CRPPA: variants seen among roughly 807,000 people sequenced by gnomAD.
CRPPA encodes D-ribitol-5-phosphate cytidylyltransferase.
Under a neutral mutation model 52.0 loss-of-function variants are expected in CRPPA, and 43 were observed. The ratio of observed to expected loss-of-function variants is 0.83; its 90% CI spans 0.65 to 1.07. The LOEUF is 1.07. CRPPA is among the 50% of genes least tolerant of loss of function. CRPPA has a pLI of 0.00. For missense variants in CRPPA, 629 were observed against 551.7 expected, an observed-to-expected ratio of 1.14 and a Z score of -1.40; for synonymous variants, 250 against 203.5, an observed-to-expected ratio of 1.23 and a Z score of -1.94.
intron 3 of CRPPA, among the ~76,000 whole-genome samples, chr7:16,337,447 T>C (rs74578147): frequency 0.01 from 1,592 of 152,160 alleles, 35 homozygotes; most frequent in African/African-American, 0.037. Context: ...CCAAAACTTA[T>C]AGCATGCAGC....
chr7:16,324,001 C>T (rs1401935521), intron 3 of CRPPA, among the ~76,000 whole-genome samples: 6 of 152,128 alleles, frequency 3.9e-5, no homozygotes, highest in Admixed American at 3.3e-4. Context: ...ATCAGTAACA[C>T]GGATGCAAAT....
At chr7:16,224,885 T>C (rs374749779) in intron 8 of CRPPA, among the ~76,000 whole-genome samples, 1 of 152,172 alleles carries the variant, frequency 6.6e-6, no homozygotes, top group South Asian at 2.1e-4. Flanking sequence ...AACCACTTCA[T>C]TGTAGAACAA....
At chr7:16,171,662 G>A (rs1002435583) in intron 9 of CRPPA, among the ~76,000 whole-genome samples, 9 of 152,004 alleles carry the variant, frequency 5.9e-5, no homozygotes, top group South Asian at 4.2e-4. Context: ...GCATGGTGGC[G>A]GGTGCCTGTA....
chr7:16,252,531 A>G lies in CRPPA; in HGVS notation c.1119+5859T>C, dbSNP rs184640078. Among the ~76,000 whole-genome samples, 49 of 152,284 alleles carry G rather than the reference A, an allele frequency of 3.2e-4. No homozygotes were observed. The Middle Eastern group carries it at 0.02, about 63-fold the overall frequency. The stretch of plus-strand genomic sequence containing the variant: ...CCAGTATTTTATTGAGGATTTTTGC[A>G]TCGTTGTTCATCACGGATATTGGTC... On this transcript the variant is annotated intron_variant, in intron 8 of 9. Coordinates refer to ENST00000407010, the MANE Select transcript of CRPPA (RefSeq NM_001101426.4).
chr7:16,254,970 G>A (rs1783594929), intron 8 of CRPPA, among the ~76,000 whole-genome samples: 1 of 152,064 alleles, frequency 6.6e-6, no homozygotes, highest in Non-Finnish European at 1.5e-5. Flanking sequence ...GAAATAAAGG[G>A]TATTCAATTA....
At chr7:16,126,146 C>T (rs1467253412) in intron 9 of CRPPA, among the ~76,000 whole-genome samples, 3 of 152,066 alleles carry the variant, frequency 2.0e-5, no homozygotes, top group African/African-American at 7.2e-5. Context: ...GAAAAATATC[C>T]TGTGCCAGTC....
intron 8 of CRPPA, among the ~76,000 whole-genome samples, chr7:16,219,903 A>G (rs1434514057): frequency 3.4e-5 from 5 of 149,190 alleles, no homozygotes; most frequent in African/African-American, 7.4e-5. Flanking sequence ...AAACTATTCC[A>G]ATCAACAGAA....
chr7:16,195,311 T>G (rs1373346490), intron 9 of CRPPA, among the ~76,000 whole-genome samples: 1 of 152,238 alleles, frequency 6.6e-6, no homozygotes, highest in Non-Finnish European at 1.5e-5. Context: ...CATTGAGATT[T>G]TGCCTTTTTT....
intron 6 of CRPPA, among the ~76,000 whole-genome samples, chr7:16,267,185 T>C (rs1284026019): frequency 4.6e-5 from 7 of 152,190 alleles, no homozygotes; most frequent in Non-Finnish European, 1.0e-4. Context: ...CCAATATTTA[T>C]TGATAGCTAC....
At chr7:16,371,914 A>C (rs1786758712) in intron 3 of CRPPA, among the ~76,000 whole-genome samples, 1 of 152,280 alleles carries the variant, frequency 6.6e-6, no homozygotes, top group Non-Finnish European at 1.5e-5. Context: ...GAAATACAAA[A>C]TGCAGTGGAA....
At chr7:16,212,678 G>A (rs1285802826) in intron 9 of CRPPA, among the ~76,000 whole-genome samples, 1 of 152,150 alleles carries the variant, frequency 6.6e-6, no homozygotes, top group African/African-American at 2.4e-5. Context: ...ACGCATCTCT[G>A]GACACAGCCA....
At chr7:16,263,892 A>G (rs1783884541) in intron 6 of CRPPA, among the ~76,000 whole-genome samples, 2 of 152,228 alleles carry the variant, frequency 1.3e-5, no homozygotes, top group Non-Finnish European at 2.9e-5. Context: ...GTCATTCTTT[A>G]GCTAATGCCC....
chr7:16,152,512 T>A lies in CRPPA; in HGVS notation c.1252-60713A>T, dbSNP rs570782285. Among the ~76,000 whole-genome samples, 357 of 152,112 alleles carry A rather than the reference T, an allele frequency of 2.3e-3. 2 individuals are homozygous for A. Among genetic ancestry groups the A allele is most frequent in the African/African-American group, 8.2e-3 (342 of 41,570 alleles). On this transcript the variant is annotated intron_variant, in intron 9 of 9. Transcript: ENST00000407010. The stretch of plus-strand genomic sequence containing the variant: ...AATTAAAAGTGTCATTCCCATTGTT[T>A]AAAAGATTTTCTGCTAATTATCTTA...
At chr7:16,236,378 T>C (rs1444798443) in intron 8 of CRPPA, among the ~76,000 whole-genome samples, 1 of 152,148 alleles carries the variant, frequency 6.6e-6, no homozygotes, top group African/African-American at 2.4e-5. Context: ...AGAATTAAGC[T>C]TAAGTATTGA....
chr7:16,310,807 C>A (rs930302690), intron 3 of CRPPA, among the ~76,000 whole-genome samples: 1 of 152,026 alleles, frequency 6.6e-6, no homozygotes, highest in African/African-American at 2.4e-5. Context: ...AACTATCTTA[C>A]AAACAAGATG....
At chr7:16,176,799 C>A (rs1781307784) in intron 9 of CRPPA, among the ~76,000 whole-genome samples, 1 of 152,026 alleles carries the variant, frequency 6.6e-6, no homozygotes, top group South Asian at 2.1e-4. Context: ...CTGACCCTCC[C>A]AAGTGCTTAC....
intron 3 of CRPPA, among the ~76,000 whole-genome samples, chr7:16,371,578 A>G (rs1288157971): frequency 2.0e-5 from 3 of 152,066 alleles, no homozygotes; most frequent in Non-Finnish European, 4.4e-5. Context: ...TAAATTCAAG[A>G]ACAATTTGAA....
intron 9 of CRPPA, among the ~76,000 whole-genome samples, chr7:16,212,399 A>G (rs1583433047): frequency 6.6e-6 from 1 of 152,220 alleles, no homozygotes; most frequent in Non-Finnish European, 1.5e-5. Context: ...ACTCCTTACC[A>G]TGCTGCCACA....
intron 5 of CRPPA, among the ~76,000 whole-genome samples, chr7:16,285,943 C>T (rs562217776): frequency 1.7e-3 from 224 of 132,250 alleles, no homozygotes; most frequent in Admixed American, 8.0e-3. Context: ...TCGCTTGAAC[C>T]TGGGAGGCAG....
Sources: gnomAD v4.1 joint callset for allele counts (sites outside exome capture counted in the v4.1 genomes callset) on GRCh38, gnomAD v4.1.1 for gene constraint, MANE v1.5 for transcripts, NCBI Gene and HGNC (gene_info 2026-07-23, HGNC 2026-07-21) for gene names.